ZNF83: variants seen among roughly 807,000 people sequenced by gnomAD.
ZNF83 encodes the protein zinc finger protein 83.
For missense variants in ZNF83, 552 were observed against 629.9 expected (o/e 0.88, Z 1.32); for synonymous variants, 209 against 213.0 (o/e 0.98, Z 0.17).
intron 1 of ZNF83, among the ~76,000 whole-genome samples, chr19:52,671,584 A>AG (rs2061727039): frequency 6.6e-6 from 1 of 152,070 alleles, no homozygotes; most frequent in South Asian, 2.1e-4. Context: ...CTGGAGCTGC[A>AG]GGCCCTCACC....
In ZNF83 at chr19:52,681,733, C is replaced by T. The variant is rs139983716; in HGVS notation, c.-283+8710G>A. 2.3e-3 allele frequency among the ~76,000 whole-genome samples: 355 copies of T among 152,342 alleles called. 1 individual carries two copies. The highest frequency in any genetic ancestry group is 4.5e-3 in the Non-Finnish European group (303 of 68,026). Reference sequence around the variant, plus strand: ...AGATACAGCTTCAAAACTAAACTGACACAGGTTTATCTAATGGAGAGAACA... The same window carrying T: ...AGATACAGCTTCAAAACTAAACTGATACAGGTTTATCTAATGGAGAGAACA... On this transcript the variant is annotated intron_variant, in intron 1 of 5. Coordinates refer to the ZNF83 transcript ENST00000594682.
intron 1 of ZNF83, among the ~76,000 whole-genome samples, chr19:52,669,321 C>T (rs1458803829): frequency 6.6e-6 from 1 of 152,160 alleles, no homozygotes; most frequent in Non-Finnish European, 1.5e-5. Context: ...CAATTTAAAG[C>T]CCAAAATCAA....
upstream of ZNF83, among the ~76,000 whole-genome samples, chr19:52,642,031 G>A (rs2061313106): frequency 6.6e-6 from 1 of 152,142 alleles, no homozygotes; most frequent in Non-Finnish European, 1.5e-5. Flanking sequence ...ATGAGAGGGA[G>A]TAGAGGAATA....
chr19:52,616,640 T>G (rs1436913984), intron 2 of ZNF83: 1 of 152,126 alleles, frequency 6.6e-6, no homozygotes, highest in African/African-American at 2.4e-5. Flanking sequence ...GGTCGGGAGT[T>G]GGAGACCAGC....
At chr19:52,658,552 T>C (rs1347793116) in intron 2 of ZNF83, among the ~76,000 whole-genome samples, 1 of 152,122 alleles carries the variant, frequency 6.6e-6, no homozygotes, top group Non-Finnish European at 1.5e-5. Flanking sequence ...GTGACAGTGT[T>C]GGGATTTACT....
At chr19:52,644,487 T>C (rs2061348225) in intron 3 of ZNF83, among the ~76,000 whole-genome samples, 1 of 152,172 alleles carries the variant, frequency 6.6e-6, no homozygotes, top group Non-Finnish European at 1.5e-5. Flanking sequence ...GAAGGGTTGG[T>C]CTTTATCACA....
intron 1 of ZNF83, among the ~76,000 whole-genome samples, chr19:52,685,008 A>T (rs139975999): frequency 4.5e-4 from 69 of 152,284 alleles, no homozygotes; most frequent in Non-Finnish European, 6.8e-4. Flanking sequence ...TCATACAGAG[A>T]AAGGCCCCGA....
intron 1 of ZNF83, among the ~76,000 whole-genome samples, chr19:52,690,177 T>C (rs1422640833): frequency 2.0e-5 from 2 of 102,102 alleles, no homozygotes; most frequent in African/African-American, 9.8e-5. Context: ...TGAAAATGAT[T>C]TTGAGAAAAA....
At chr19:52,690,419 T>G (rs2147397387) in intron 1 of ZNF83, 1 of 174,662 alleles carries the variant, frequency 5.7e-6, no homozygotes, top group Middle Eastern at 7.7e-4. Flanking sequence ...AAATGCAGAC[T>G]TAATACAAAA....
intron 1 of ZNF83, among the ~76,000 whole-genome samples, chr19:52,688,785 G>A (rs1326327937): frequency 6.6e-6 from 1 of 151,838 alleles, no homozygotes; most frequent in African/African-American, 2.4e-5. Context: ...TAAAAGCTAA[G>A]GCCCACAATG....
intron 1 of ZNF83, among the ~76,000 whole-genome samples, chr19:52,682,984 T>C (rs1396901132): frequency 1.3e-5 from 2 of 152,120 alleles, no homozygotes; most frequent in Non-Finnish European, 2.9e-5. Context: ...GATTCTCCTG[T>C]CTCAGCCTTT....
intron 1 of ZNF83, among the ~76,000 whole-genome samples, chr19:52,673,481 C>T (rs1033452033): frequency 6.6e-6 from 1 of 151,036 alleles, no homozygotes; most frequent in African/African-American, 2.4e-5. Flanking sequence ...CCAGGGTACA[C>T]AAGAAGAGTG....
chr19:52,630,147 C>T (rs117764143), intron 2 of ZNF83, among the ~76,000 whole-genome samples: 12,867 of 151,976 alleles, frequency 0.085, 568 homozygotes, highest in Middle Eastern at 0.1. Context: ...AAAATCGGAC[C>T]GTTCAACTCA....
At chr19:52,640,052 C>T (rs1194316604), upstream of ZNF83, among the ~76,000 whole-genome samples, 3 of 152,134 alleles carry the variant, frequency 2.0e-5, no homozygotes, top group Non-Finnish European at 2.9e-5. Flanking sequence ...TGGAGGTGAC[C>T]ATCTGTGTCA....
intron 1 of ZNF83, among the ~76,000 whole-genome samples, chr19:52,686,545 C>T (rs1023929315): frequency 6.6e-6 from 1 of 151,010 alleles, no homozygotes; most frequent in Non-Finnish European, 1.5e-5. Flanking sequence ...AACAAAAGCA[C>T]TTTTGATACC....
rs143698815 is a variant in ZNF83, at chr19:52,673,227, C to G, written c.-282-12384G>C. ...CCATCTCAAAAAACTAAACAAATGGCTGGGCACAGTGGCTCATGCTTGAAT... is the reference window on the plus strand; with the variant it reads ...CCATCTCAAAAAACTAAACAAATGGGTGGGCACAGTGGCTCATGCTTGAAT... On this transcript the variant is annotated intron_variant, in intron 1 of 5. Transcript: ENST00000594682. Among the ~76,000 whole-genome samples the G allele has an allele frequency of 9.9e-5, 15 of 152,182 alleles. No individual in the cohort carries two copies. In the East Asian group the frequency reaches 2.9e-3, roughly 29 times the overall value.
At chr19:52,668,511 A>G (rs907261850) in intron 1 of ZNF83, among the ~76,000 whole-genome samples, 1 of 152,100 alleles carries the variant, frequency 6.6e-6, no homozygotes, top group Non-Finnish European at 1.5e-5. Flanking sequence ...AAAGGATCCT[A>G]TAGGCTTCTT....
chr19:52,660,521 G>A (rs1243538352), intron 2 of ZNF83, among the ~76,000 whole-genome samples: 2 of 152,110 alleles, frequency 1.3e-5, no homozygotes, highest in Non-Finnish European at 1.5e-5. Context: ...GGGATGCTGA[G>A]GCATGAGAAT....
chr19:52,625,605 C>G (rs147668096), intron 2 of ZNF83, among the ~76,000 whole-genome samples: 32 of 152,298 alleles, frequency 2.1e-4, no homozygotes, highest in South Asian at 1.0e-3. Context: ...CTCCGTATTA[C>G]AGACAAGACA....
Sources: allele counts gnomAD v4.1 joint callset (sites outside exome capture counted in the v4.1 genomes callset), GRCh38; gene constraint gnomAD v4.1.1; transcripts MANE v1.5; gene names NCBI Gene and HGNC (gene_info 2026-07-23, HGNC 2026-07-21).